Variants in AR observed in about 807,000 individuals in gnomAD.
AR encodes androgen receptor.
Under a neutral mutation model 53.9 loss-of-function variants are expected in AR, and 8 were observed. That is an observed-to-expected ratio of 0.15 (90% confidence interval 0.09 to 0.27). The LOEUF (loss-of-function observed/expected upper bound fraction) is 0.27. Among genes scored for constraint, AR ranks in the 10% least tolerant of loss-of-function variants. The probability of loss-of-function intolerance (pLI) is 1.00; values close to 1 mark genes in which losing one functional copy is unlikely to be tolerated. For missense variants in AR, 639 were observed against 742.5 expected (o/e 0.86, Z 1.62); for synonymous variants, 359 against 316.4 (o/e 1.13, Z -1.43).
chrX:67,630,234 G>A (rs1372318721), intron 1 of AR, among the ~76,000 whole-genome samples: 2 of 110,968 alleles, frequency 1.8e-5, no homozygotes, highest in African/African-American at 6.6e-5. Flanking sequence ...TGTTGACAGT[G>A]GGGTGTTAAA....
intron 1 of AR, among the ~76,000 whole-genome samples, chrX:67,548,064 T>C (rs1297156530): frequency 8.9e-6 from 1 of 111,868 alleles, no homozygotes; most frequent in Non-Finnish European, 1.9e-5. Flanking sequence ...TTTTGTCTTA[T>C]TCTTTGTTTC....
At chrX:67,569,150 G>T in intron 1 of AR, 3 of 567,133 alleles carry the variant, frequency 5.3e-6, no homozygotes, top group Non-Finnish European at 7.6e-6. Flanking sequence ...TAGCTTGCTT[G>T]AATATCTTAG....
intron 1 of AR, among the ~76,000 whole-genome samples, chrX:67,606,531 G>T (rs1373682357): frequency 8.9e-6 from 1 of 111,738 alleles, no homozygotes; most frequent in African/African-American, 3.3e-5. Flanking sequence ...ACCATGTTGT[G>T]CAGATCTCAA....
At chrX:67,600,229 A>G (rs1221706476) in intron 1 of AR, among the ~76,000 whole-genome samples, 1 of 111,398 alleles carries the variant, frequency 9.0e-6, no homozygotes, top group Non-Finnish European at 1.9e-5. Flanking sequence ...TTTTAAAAAC[A>G]ATGATTATAA....
At chrX:67,653,908 C>T (rs1430176264) in intron 2 of AR, among the ~76,000 whole-genome samples, 2 of 111,127 alleles carry the variant, frequency 1.8e-5, no homozygotes, top group Non-Finnish European at 3.8e-5. Context: ...ACGTTTTGCA[C>T]ATGTACCCTA....
At chrX:67,684,893 T>C (rs942804011) in intron 2 of AR, among the ~76,000 whole-genome samples, 1 of 111,125 alleles carries the variant, frequency 9.0e-6, no homozygotes. Flanking sequence ...CTCTCAAATA[T>C]CAATCACTCT....
rs2076171290 is a variant in AR at position 67,729,437 on chromosome X, G to A, written c.*5596G>A. ...GAATTTTTTCACCCATAGAAAGAGT[G>A]GTAGATATTTGAATTTAGCAGGTGG... On this transcript the variant is annotated 3_prime_UTR_variant, in exon 8 of 8. Transcript: ENST00000374690. 5.8e-6 allele frequency: 1 copy of A among 173,426 alleles called. No homozygotes were observed. Among genetic ancestry groups the A allele is most frequent in the Non-Finnish European group, 1.1e-5 (1 of 91,016 alleles). 14.3% of individuals were successfully genotyped at this position (173,426 alleles called of 1,213,427 possible).
At chrX:67,627,124 A>G (rs1356363785) in intron 1 of AR, among the ~76,000 whole-genome samples, 2 of 110,702 alleles carry the variant, frequency 1.8e-5, no homozygotes, top group Non-Finnish European at 3.8e-5. Flanking sequence ...AGCATGATTT[A>G]TAGTCCTTTG....
chrX:67,681,574 G>A (rs921499712), intron 2 of AR, among the ~76,000 whole-genome samples: 2 of 112,234 alleles, frequency 1.8e-5, no homozygotes, highest in African/African-American at 6.5e-5. Flanking sequence ...CATAAGTGAA[G>A]TGTCAGGCAT....
chrX:67,726,675 G>T lies in AR; in HGVS notation c.*2834G>T, dbSNP rs949965797. ...TTTAGGCCTACTCTTTCTGTGCTTG[G>T]GTTTGAGTGAACAAAGGAGATTTTA... On this transcript the variant is annotated 3_prime_UTR_variant, in exon 8 of 8. Transcript: ENST00000374690. 6 of 174,648 alleles carry T rather than the reference G, an allele frequency of 3.4e-5. No individual in the cohort carries two copies. Among genetic ancestry groups the T allele is most frequent in the Non-Finnish European group, 6.5e-5 (6 of 91,652 alleles). 14.4% of individuals were successfully genotyped at this position (174,648 alleles called of 1,213,427 possible).
chrX:67,680,718 A>C (rs1478100183), intron 2 of AR: 10 of 329,685 alleles, frequency 3.0e-5, no homozygotes, highest in Admixed American at 9.4e-5. Flanking sequence ...TGTTCCAAAC[A>C]GGATTTTTCA....
chrX:67,699,680 C>T (rs1602264133), intron 3 of AR, among the ~76,000 whole-genome samples: 1 of 110,604 alleles, frequency 9.0e-6, no homozygotes, highest in African/African-American at 3.3e-5. Context: ...TCTCGGGGAC[C>T]GTCTTAGAAG....
At chrX:67,705,077 C>T (rs1471971906) in intron 3 of AR, among the ~76,000 whole-genome samples, 6 of 111,321 alleles carry the variant, frequency 5.4e-5, no homozygotes, top group Admixed American at 4.8e-4. Flanking sequence ...AGTCAGGTAG[C>T]GTGATACCTC....
intron 3 of AR, chrX:67,689,540 T>C: frequency 1.0e-6 from 1 of 962,437 alleles, no homozygotes; most frequent in Non-Finnish European, 1.3e-6. Flanking sequence ...TACCTGTTTC[T>C]TGCTTTTTTT....
Position 67,729,207 on chromosome X carries a change from T to A in AR, c.*5366T>A, listed in dbSNP as rs1161715916. ...TGACAAATGAAAATGTGTTTTTCTC[T>A]GTTAAAACTTGTCAGAGTACTAGAA... On this transcript the variant is annotated 3_prime_UTR_variant, in exon 8 of 8. Coordinates refer to ENST00000374690, the MANE Select transcript of AR (RefSeq NM_000044.6). 1.1e-5 allele frequency: 2 copies of A among 174,515 alleles called. No homozygotes were observed. 14.4% of individuals were successfully genotyped at this position (174,515 alleles called of 1,213,427 possible).
At chrX:67,605,577 A>G (rs1923584370) in intron 1 of AR, among the ~76,000 whole-genome samples, 1 of 112,165 alleles carries the variant, frequency 8.9e-6, no homozygotes, top group East Asian at 2.8e-4. Flanking sequence ...TGTTCATTCC[A>G]TCCTGGAGCA....
rs1214033586 is a variant in AR at position 67,545,701 on chromosome X, G to A, written c.555G>A (p.Leu185=). ...GCTCCGCTGACCTTAAAGACATCCTGAGCGAGGCCAGCACCATGCAACTCC... is the reference window on the plus strand; with the variant it reads ...GCTCCGCTGACCTTAAAGACATCCTAAGCGAGGCCAGCACCATGCAACTCC... ...SSCSADLKDI[L]SEASTMQLLQ... The change falls in exon 1 of 8, where the codon CTG becomes CTA. Residue 185 remains leucine, a synonymous_variant. Coordinates refer to ENST00000374690, the MANE Select transcript of AR (RefSeq NM_000044.6). 1.7e-6 allele frequency: 2 copies of A among 1,207,476 alleles called. No individual in the cohort carries two copies. Among genetic ancestry groups the A allele is most frequent in the Non-Finnish European group, 2.2e-6 (2 of 893,896 alleles).
chrX:67,701,896 A>G (rs2076044168), intron 3 of AR, among the ~76,000 whole-genome samples: 2 of 111,913 alleles, frequency 1.8e-5, no homozygotes, highest in South Asian at 7.4e-4. Context: ...CCTCCTGTCT[A>G]TTCCCTTCTG....
intron 3 of AR, among the ~76,000 whole-genome samples, chrX:67,699,772 C>T (rs1050902958): frequency 9.0e-6 from 1 of 110,810 alleles, no homozygotes; most frequent in African/African-American, 3.3e-5. Context: ...ACATCCTTGA[C>T]CTTAGGTAAA....
Sources: gnomAD v4.1 joint callset for allele counts (sites outside exome capture counted in the v4.1 genomes callset) on GRCh38, gnomAD v4.1.1 for gene constraint, MANE v1.5 for transcripts, NCBI Gene and HGNC (gene_info 2026-07-23, HGNC 2026-07-21) for gene names.